The following RAB23 variants were observed in gnomAD, a reference collection of about 807,000 sequenced individuals.
RAB23 encodes the protein RAB23, member RAS oncogene family, also known as ras-related protein Rab-23.
A neutral mutation model predicts 30.0 loss-of-function variants in RAB23; 15 were observed. The ratio of observed to expected loss-of-function variants is 0.50; its 90% CI spans 0.33 to 0.77. RAB23 has a LOEUF of 0.77. Ranked by LOEUF, RAB23 falls within the 30% of genes least tolerant of loss-of-function variation. The pLI, the probability that RAB23 is intolerant of heterozygous loss-of-function variation, is 0.02. For missense variants in RAB23, 243 were observed against 275.4 expected (o/e 0.88, Z 0.83); for synonymous variants, 93 against 94.0 (o/e 0.99, Z 0.06).
At chr6:57,216,295 G>C (rs1273276376) in intron 1 of RAB23, among the ~76,000 whole-genome samples, 1 of 152,068 alleles carries the variant, frequency 6.6e-6, no homozygotes, top group African/African-American at 2.4e-5. Context: ...AGCAATGCAT[G>C]ACTATATATA....
intron 1 of RAB23, among the ~76,000 whole-genome samples, chr6:57,213,823 C>A (rs1288970179): frequency 6.6e-6 from 1 of 151,804 alleles, no homozygotes; most frequent in Non-Finnish European, 1.5e-5. Flanking sequence ...AACAAAAAAA[C>A]ATAAAAGCCT....
At position 57,196,583 on chromosome 6, in the gene RAB23, ACACGAG is replaced by A; in HGVS notation, c.259_264del (p.Leu87_Val88del). On this transcript the variant is annotated inframe_deletion, in exon 4 of 7. Transcript: ENST00000468148. ...AAAGATTCCCTATCTGTGGTAGAGA[ACACGAG>A]CACACAAGCCTGGGCTCCTGTAAGT... 6.2e-7 allele frequency: 1 copy of A among 1,613,972 alleles called. No individual in the cohort carries two copies.
In RAB23 at chr6:57,193,921, C is replaced by G; in HGVS notation, c.495G>C (p.Leu165Phe). The change falls in exon 6 of 7, where the codon TTG (leucine) becomes TTC (phenylalanine). Residue 165 changes from leucine (L) to phenylalanine (F), a missense_variant. Transcript: ENST00000468148. ...DLNVNEVFKY[L>F]AEKYLQKLKQ... is the part of the protein sequence containing the mutation. ...TGAGTTTCTGAAGGTATTTTTCAGCCAAATACTTAAAAACTAGAATAAAAA... is the reference window on the plus strand; with the variant it reads ...TGAGTTTCTGAAGGTATTTTTCAGCGAAATACTTAAAAACTAGAATAAAAA... The G allele has an allele frequency of 6.2e-7, 1 of 1,612,014 alleles. No homozygotes were observed. Among genetic ancestry groups the G allele is most frequent in the Non-Finnish European group, 8.5e-7 (1 of 1,178,856 alleles).
Position 57,201,001 on chromosome 6 carries a change from C to A in RAB23, c.242-4395G>T, listed in dbSNP as rs150413282. On this transcript the variant is annotated intron_variant, in intron 3 of 6. Transcript: ENST00000468148. ...AAGCTGAAGGAATCTGAGAAAACAG[C>A]AGAAGCAGGAGAGTCACTTTGATCT... 7.7e-3 allele frequency among the ~76,000 whole-genome samples: 1,169 copies of A among 152,070 alleles called. 6 individuals carry two copies. The highest frequency in any genetic ancestry group is 0.027 in the African/African-American group (1,106 of 41,470).
chr6:57,208,207 T>TC (rs1202831757), intron 2 of RAB23, among the ~76,000 whole-genome samples: 1 of 152,222 alleles, frequency 6.6e-6, no homozygotes, highest in Non-Finnish European at 1.5e-5. Context: ...CATGTTTTTT[T>TC]CTTTGACACA....
chr6:57,218,854 CAA>C (rs752945184), intron 1 of RAB23, among the ~76,000 whole-genome samples: 48 of 89,598 alleles, frequency 5.4e-4, no homozygotes, highest in Non-Finnish European at 6.0e-4. Flanking sequence ...ATTCTGTCTC[CAA>C]AAAAAAAAAA....
chr6:57,217,228 A>C (rs78813550), intron 1 of RAB23, among the ~76,000 whole-genome samples: 9,468 of 151,784 alleles, frequency 0.062, 329 homozygotes, highest in East Asian at 0.094. Context: ...AAAAAAAAAA[A>C]CAAAATTAAC....
At chr6:57,210,030 G>A (rs1472754760) in intron 2 of RAB23, among the ~76,000 whole-genome samples, 196 bp downstream of exon 2, 1 of 150,222 alleles carries the variant, frequency 6.7e-6, no homozygotes, top group African/African-American at 2.5e-5. Flanking sequence ...AAAAAAAAAT[G>A]AAAGAAGGGA....
intron 5 of RAB23, among the ~76,000 whole-genome samples, chr6:57,194,463 A>G (rs1468686532): frequency 6.6e-6 from 1 of 152,144 alleles, no homozygotes; most frequent in African/African-American, 2.4e-5. Flanking sequence ...ATGGAGTTCT[A>G]AAACAACTGA....
intron 4 of RAB23, 45 bp from the exon 5 acceptor site, chr6:57,194,897 G>T: frequency 7.0e-7 from 1 of 1,421,770 alleles, no homozygotes; most frequent in South Asian, 1.2e-5. Flanking sequence ...GGTGCCTTCT[G>T]ATAGCTTGTT....
intron 2 of RAB23, among the ~76,000 whole-genome samples, chr6:57,209,129 A>G (rs1765553609): frequency 6.6e-6 from 1 of 152,224 alleles, no homozygotes; most frequent in South Asian, 2.1e-4. Flanking sequence ...ATTAAACAGA[A>G]CACAAAAAGG....
intron 2 of RAB23, 23 bp downstream of exon 2, chr6:57,210,203 G>C (rs1177978262): frequency 6.2e-7 from 1 of 1,608,646 alleles, no homozygotes; most frequent in East Asian, 2.2e-5. Context: ...AAAGCCAAAG[G>C]AATAAAATGG....
chr6:57,212,479 A>C (rs1765692010), intron 1 of RAB23, among the ~76,000 whole-genome samples: 1 of 152,216 alleles, frequency 6.6e-6, no homozygotes, highest in Admixed American at 6.5e-5. Flanking sequence ...TGGAGAACTC[A>C]AATGGATATA....
intron 4 of RAB23, among the ~76,000 whole-genome samples, 189 bp downstream of exon 4, chr6:57,196,260 AT>A: frequency 6.6e-6 from 1 of 152,300 alleles, no homozygotes; most frequent in South Asian, 2.1e-4. Context: ...GAATCAATGA[AT>A]TTTTTAACCC....
At chr6:57,213,946 G>T (rs1488353434) in intron 1 of RAB23, among the ~76,000 whole-genome samples, 1 of 151,682 alleles carries the variant, frequency 6.6e-6, no homozygotes, top group Non-Finnish European at 1.5e-5. Flanking sequence ...TCTATGGGGT[G>T]GTGTCAGAAA....
intron 1 of RAB23, among the ~76,000 whole-genome samples, chr6:57,212,202 C>T (rs1460539970): frequency 6.6e-6 from 1 of 152,076 alleles, no homozygotes; most frequent in African/African-American, 2.4e-5. Flanking sequence ...CTGTTGAGGC[C>T]GCATTCTCCC....
chr6:57,193,221 A>G (rs545590939), intron 6 of RAB23, among the ~76,000 whole-genome samples: 1 of 152,102 alleles, frequency 6.6e-6, no homozygotes, highest in East Asian at 1.9e-4. Context: ...AAAAAGCCAG[A>G]ATCCAGGAAA....
intron 5 of RAB23, among the ~76,000 whole-genome samples, chr6:57,194,406 TTAAA>T (rs1052377498): frequency 2.0e-5 from 3 of 152,036 alleles, no homozygotes; most frequent in African/African-American, 7.2e-5. Context: ...AAGTATTAAA[TTAAA>T]TACTATTAAA....
At chr6:57,214,883 A>T (rs1334470178) in intron 1 of RAB23, among the ~76,000 whole-genome samples, 3 of 152,236 alleles carry the variant, frequency 2.0e-5, no homozygotes, top group Non-Finnish European at 4.4e-5. Flanking sequence ...TTCATGTAAT[A>T]AGGATTTCAA....
Sources: allele counts gnomAD v4.1 joint callset (sites outside exome capture counted in the v4.1 genomes callset), GRCh38; gene constraint gnomAD v4.1.1; transcripts MANE v1.5; gene names NCBI Gene and HGNC (gene_info 2026-07-23, HGNC 2026-07-21).